SORCS1: variants seen among roughly 807,000 people sequenced by gnomAD.
SORCS1 encodes sortilin related VPS10 domain containing receptor 1, also known as VPS10 domain-containing receptor SorCS1.
A neutral mutation model predicts 146.1 loss-of-function variants in SORCS1; 60 were observed. The observed-to-expected ratio is 0.41, with a 90% CI of 0.33 to 0.51. SORCS1 has a LOEUF of 0.51. SORCS1 is among the 20% of genes least tolerant of loss of function. The pLI is 0.21. For synonymous variants in SORCS1, 637 were observed against 584.0 expected, an observed-to-expected ratio of 1.09 and a Z score of -1.31; for missense variants, 1,352 against 1,487.6, an observed-to-expected ratio of 0.91 and a Z score of 1.50.
chr10:106,977,152 C>T (rs1956062545), intron 1 of SORCS1, among the ~76,000 whole-genome samples: 1 of 152,186 alleles, frequency 6.6e-6, no homozygotes, highest in African/African-American at 2.4e-5. Context: ...TACACTCCCA[C>T]CAACAGTATA....
intron 5 of SORCS1, among the ~76,000 whole-genome samples, chr10:106,732,316 T>C (rs1330547323): frequency 6.6e-6 from 1 of 152,186 alleles, no homozygotes; most frequent in Non-Finnish European, 1.5e-5. Context: ...AGGCAGAAAG[T>C]GACCCTTTCA....
At chr10:106,990,184 T>C (rs1466202636) in intron 1 of SORCS1, among the ~76,000 whole-genome samples, 1 of 152,166 alleles carries the variant, frequency 6.6e-6, no homozygotes, top group Non-Finnish European at 1.5e-5. Flanking sequence ...TCCTAACATA[T>C]CTCATCCAGT....
intron 2 of SORCS1, among the ~76,000 whole-genome samples, chr10:106,858,604 T>A (rs1251892083): frequency 1.4e-5 from 1 of 71,742 alleles, no homozygotes; most frequent in African/African-American, 4.9e-5. Flanking sequence ...CAAGCCTCTG[T>A]CTCAAAAAAA....
intron 1 of SORCS1, among the ~76,000 whole-genome samples, chr10:107,008,193 TAGA>T (rs1327542385): frequency 4.6e-5 from 7 of 152,270 alleles, no homozygotes; most frequent in African/African-American, 1.7e-4. Context: ...CATAAAATAG[TAGA>T]GTTGCCAGTA....
intron 1 of SORCS1, among the ~76,000 whole-genome samples, chr10:107,020,983 A>G (rs189370454): frequency 6.6e-5 from 10 of 152,276 alleles, no homozygotes; most frequent in Admixed American, 6.5e-4. Context: ...ATAAAGAAGG[A>G]AACAATTTTA....
intron 1 of SORCS1, among the ~76,000 whole-genome samples, chr10:107,057,428 T>C (rs1960752318): frequency 6.6e-6 from 1 of 152,174 alleles, no homozygotes. Context: ...TCAGTCTCTG[T>C]CTCTTGGGAG....
chr10:106,615,551 T>C (rs1847302644), intron 21 of SORCS1, among the ~76,000 whole-genome samples: 1 of 152,154 alleles, frequency 6.6e-6, no homozygotes, highest in Non-Finnish European at 1.5e-5. Context: ...TGGTTACTCA[T>C]GCCTGTAATC....
intron 3 of SORCS1, among the ~76,000 whole-genome samples, chr10:106,812,166 A>G (rs775392537): frequency 6.6e-6 from 1 of 151,930 alleles, no homozygotes; most frequent in Non-Finnish European, 1.5e-5. Context: ...GCATCCTGCT[A>G]ATTTTTTGTA....
chr10:106,627,930 T>G (rs1292928150), intron 19 of SORCS1, among the ~76,000 whole-genome samples: 1 of 152,192 alleles, frequency 6.6e-6, no homozygotes. Context: ...ACAAGTAACT[T>G]AAGCTCTCTG....
intron 2 of SORCS1, among the ~76,000 whole-genome samples, chr10:106,931,758 C>A (rs1953432093): frequency 6.6e-6 from 1 of 152,142 alleles, no homozygotes; most frequent in Non-Finnish European, 1.5e-5. Context: ...TATCTGCAGA[C>A]AGCATAGTCT....
At chr10:106,850,058 C>A (rs1949487017) in intron 2 of SORCS1, among the ~76,000 whole-genome samples, 1 of 152,122 alleles carries the variant, frequency 6.6e-6, no homozygotes, top group Admixed American at 6.5e-5. Flanking sequence ...TGCCCTGCCC[C>A]CAGAGGTGGA....
intron 2 of SORCS1, among the ~76,000 whole-genome samples, chr10:106,850,342 C>G (rs541192422): frequency 2.6e-5 from 4 of 152,020 alleles, no homozygotes; most frequent in African/African-American, 7.2e-5. Context: ...GGGAGTGACC[C>G]GATTTTCCAG....
intron 3 of SORCS1, among the ~76,000 whole-genome samples, chr10:106,825,372 C>T (rs1282672440): frequency 1.3e-5 from 2 of 149,878 alleles, no homozygotes; most frequent in Non-Finnish European, 3.0e-5. Context: ...CCCAGGTTCA[C>T]GCCATTCTCC....
In SORCS1 at chr10:106,886,201, G is replaced by T. The variant is rs1012537368; in HGVS notation, c.627-56528C>A. 3.9e-5 allele frequency among the ~76,000 whole-genome samples: 6 copies of T among 152,290 alleles called. No homozygotes were observed. The South Asian group carries it at 1.2e-3, about 32-fold the overall frequency. Reference sequence around the variant, plus strand: ...CACTTGAACCCAGGAGGTGGAGGCTGCTGTGAGCCAAGATCACACCACTGC... The same window carrying T: ...CACTTGAACCCAGGAGGTGGAGGCTTCTGTGAGCCAAGATCACACCACTGC... On this transcript the variant is annotated intron_variant, in intron 2 of 25. Coordinates refer to ENST00000263054, the MANE Select transcript of SORCS1 (RefSeq NM_052918.5).
chr10:106,853,313 T>G (rs1342852561), intron 2 of SORCS1, among the ~76,000 whole-genome samples: 1 of 152,050 alleles, frequency 6.6e-6, no homozygotes, highest in Non-Finnish European at 1.5e-5. Context: ...TCTGTAGTGC[T>G]CTCTCCTCTT....
intron 1 of SORCS1, among the ~76,000 whole-genome samples, chr10:107,084,956 A>T (rs1963651219): frequency 6.6e-6 from 1 of 152,170 alleles, no homozygotes. Flanking sequence ...TATAAACTCT[A>T]GGGCATGCAA....
At chr10:107,044,546 G>C (rs1959213326) in intron 1 of SORCS1, among the ~76,000 whole-genome samples, 1 of 144,888 alleles carries the variant, frequency 6.9e-6, no homozygotes, top group Admixed American at 6.9e-5. Flanking sequence ...AAAGTTGGCA[G>C]GGCACCGTGG....
chr10:106,755,682 C>A (rs1858582910), intron 5 of SORCS1, among the ~76,000 whole-genome samples: 1 of 151,976 alleles, frequency 6.6e-6, no homozygotes, highest in Non-Finnish European at 1.5e-5. Flanking sequence ...CAACCCCAGA[C>A]TGTATTTCAA....
chr10:106,760,163 G>T (rs1027367039), intron 5 of SORCS1, among the ~76,000 whole-genome samples: 2 of 152,152 alleles, frequency 1.3e-5, no homozygotes, highest in African/African-American at 4.8e-5. Context: ...AGGAGGAAGA[G>T]GCCGGGCGTG....
Sources: allele counts gnomAD v4.1 joint callset (sites outside exome capture counted in the v4.1 genomes callset), GRCh38; gene constraint gnomAD v4.1.1; transcripts MANE v1.5; gene names NCBI Gene and HGNC (gene_info 2026-07-23, HGNC 2026-07-21).